Variants in OSBPL6 observed in about 807,000 individuals in gnomAD.
OSBPL6 encodes oxysterol binding protein like 6.
Under a neutral mutation model 125.8 loss-of-function variants are expected in OSBPL6, and 49 were observed. The observed-to-expected ratio is 0.39, with a 90% CI of 0.31 to 0.49. The LOEUF (loss-of-function observed/expected upper bound fraction) is 0.49, where lower values mean the gene tolerates loss of function less well. Among genes scored for constraint, OSBPL6 ranks in the 20% least tolerant of loss-of-function variants. The pLI is 0.88. For missense variants in OSBPL6, 986 were observed against 1,135.4 expected (o/e 0.87, Z 1.89); for synonymous variants, 394 against 391.8 (o/e 1.01, Z -0.07).
intron 1 of OSBPL6, among the ~76,000 whole-genome samples, chr2:178,284,476 C>G (rs1684512131): frequency 6.6e-6 from 1 of 152,110 alleles, no homozygotes; most frequent in African/African-American, 2.4e-5. Context: ...TCACTTGAAC[C>G]CAGGAGGCAG....
At chr2:178,370,559 T>C (rs1381303238) in intron 13 of OSBPL6, among the ~76,000 whole-genome samples, 1 of 152,184 alleles carries the variant, frequency 6.6e-6, no homozygotes, top group Non-Finnish European at 1.5e-5. Context: ...CCAAGAAAAA[T>C]GATCCTGAGC....
intron 1 of OSBPL6, among the ~76,000 whole-genome samples, chr2:178,270,395 G>C (rs562531280): frequency 6.6e-6 from 1 of 152,246 alleles, no homozygotes; most frequent in South Asian, 2.1e-4. Context: ...AGGCAGTGTT[G>C]TTTAATTCTC....
chr2:178,309,878 T>C (rs1187220509), intron 3 of OSBPL6, among the ~76,000 whole-genome samples: 1 of 152,348 alleles, frequency 6.6e-6, no homozygotes, highest in East Asian at 1.9e-4. Context: ...CCAAAGTGTG[T>C]GCCGAGGAAT....
rs762772623 is a variant in OSBPL6, at chr2:178,384,193, T to A, written c.2013+17T>A. On this transcript the variant is annotated intron_variant, in intron 18 of 24. Coordinates refer to ENST00000190611, the MANE Select transcript of OSBPL6 (RefSeq NM_032523.4). Reference sequence around the variant, plus strand: ...TCAGAACAGGTAAGCGCCACTGGACTCAGTGAGGTTTCTATATAGGTAAGA... The same window carrying A: ...TCAGAACAGGTAAGCGCCACTGGACACAGTGAGGTTTCTATATAGGTAAGA... The A allele has an allele frequency of 6.2e-7, 1 of 1,609,440 alleles. No homozygotes were observed. Among genetic ancestry groups the A allele is most frequent in the East Asian group, 2.2e-5 (1 of 44,756 alleles).
chr2:178,358,241 T>A (rs1469204729), intron 12 of OSBPL6, among the ~76,000 whole-genome samples: 3 of 151,976 alleles, frequency 2.0e-5, no homozygotes, highest in African/African-American at 2.4e-5. Context: ...TAAAAAAATT[T>A]AAAAAATAAA....
At chr2:178,198,455 C>T (rs2089035345) in intron 1 of OSBPL6, among the ~76,000 whole-genome samples, 1 of 151,744 alleles carries the variant, frequency 6.6e-6, no homozygotes, top group Non-Finnish European at 1.5e-5. Context: ...TGCCACCACA[C>T]CCAGCTAATT....
intron 3 of OSBPL6, chr2:178,320,163 C>A: frequency 8.1e-7 from 1 of 1,228,768 alleles, no homozygotes; most frequent in Non-Finnish European, 1.1e-6. Context: ...AACCATTCAG[C>A]TATTATTAAG....
intron 1 of OSBPL6, among the ~76,000 whole-genome samples, chr2:178,257,008 T>C (rs543603868): frequency 9.8e-5 from 15 of 152,342 alleles, no homozygotes; most frequent in Non-Finnish European, 2.2e-4. Flanking sequence ...TTGGTCCACA[T>C]ATCTACTTTT....
At chr2:178,371,033 G>A (rs1467110811) in intron 13 of OSBPL6, among the ~76,000 whole-genome samples, 1 of 152,226 alleles carries the variant, frequency 6.6e-6, no homozygotes, top group African/African-American at 2.4e-5. Flanking sequence ...ATTTGTGTAT[G>A]TATTGATTTA....
intron 1 of OSBPL6, among the ~76,000 whole-genome samples, chr2:178,216,682 C>T (rs1288836813): frequency 2.6e-5 from 4 of 152,180 alleles, no homozygotes; most frequent in Non-Finnish European, 5.9e-5. Flanking sequence ...AGGATATTGG[C>T]ATAGTCTCAT....
At chr2:178,316,364 G>A (rs1687736063) in intron 3 of OSBPL6, among the ~76,000 whole-genome samples, 1 of 152,134 alleles carries the variant, frequency 6.6e-6, no homozygotes. Flanking sequence ...TTAAAAAAAT[G>A]TTTATCAAAG....
intron 18 of OSBPL6, 88 bp downstream of exon 18, chr2:178,384,264 G>A: frequency 6.8e-7 from 1 of 1,468,918 alleles, no homozygotes. Flanking sequence ...AATCTGTTGG[G>A]ATGGGTTATG....
intron 3 of OSBPL6, among the ~76,000 whole-genome samples, chr2:178,321,295 G>A (rs940012991): frequency 3.9e-5 from 6 of 152,134 alleles, no homozygotes; most frequent in Non-Finnish European, 7.4e-5. Context: ...GGTGGATTAC[G>A]GGTAGAGAAG....
At chr2:178,248,542 A>C (rs2091574886) in intron 1 of OSBPL6, among the ~76,000 whole-genome samples, 1 of 152,204 alleles carries the variant, frequency 6.6e-6, no homozygotes, top group Non-Finnish European at 1.5e-5. Flanking sequence ...AGGAAAGGAC[A>C]GCTGGTGGAA....
At chr2:178,319,783 G>A (rs1179656909) in intron 3 of OSBPL6, among the ~76,000 whole-genome samples, 2 of 152,180 alleles carry the variant, frequency 1.3e-5, no homozygotes, top group South Asian at 2.1e-4. Context: ...AACTAGAAGA[G>A]ATACATGCGA....
At chr2:178,360,249 A>C (rs1215821475) in intron 12 of OSBPL6, among the ~76,000 whole-genome samples, 2 of 152,200 alleles carry the variant, frequency 1.3e-5, no homozygotes, top group African/African-American at 4.8e-5. Context: ...CAAAGTAGCA[A>C]ATGTGTAGGA....
At chr2:178,352,461 A>G (rs1418207138) in intron 12 of OSBPL6, among the ~76,000 whole-genome samples, 1 of 152,192 alleles carries the variant, frequency 6.6e-6, no homozygotes, top group East Asian at 1.9e-4. Flanking sequence ...GGTGGGTCCT[A>G]TGCCCATGGA....
At chr2:178,388,430 C>T (rs186359582) in intron 20 of OSBPL6, among the ~76,000 whole-genome samples, 4 of 152,268 alleles carry the variant, frequency 2.6e-5, no homozygotes, top group Admixed American at 1.3e-4. Context: ...TACGTCCCTG[C>T]AGGCCTTCCC....
At chr2:178,393,566 T>C (rs111574144) in intron 23 of OSBPL6, among the ~76,000 whole-genome samples, 1,779 of 152,320 alleles carry the variant, frequency 0.012, 23 homozygotes, top group African/African-American at 0.035. Flanking sequence ...TATTTTGCCC[T>C]CTCTCTCTAG....
Sources: allele counts gnomAD v4.1 joint callset (sites outside exome capture counted in the v4.1 genomes callset), GRCh38; gene constraint gnomAD v4.1.1; transcripts MANE v1.5; gene names NCBI Gene and HGNC (gene_info 2026-07-23, HGNC 2026-07-21).